Variants in ACAP2 observed in about 807,000 individuals in gnomAD.
ACAP2 encodes the protein arf-GAP with coiled-coil, ANK repeat and PH domain-containing protein 2.
In ACAP2, 39 loss-of-function variants were observed where a neutral mutation model predicts 115.8. That is an observed-to-expected ratio of 0.34 (90% confidence interval 0.26 to 0.44). The LOEUF is 0.44. Ranked by LOEUF, ACAP2 falls within the 20% of genes least tolerant of loss-of-function variation. The pLI is 1.00. For missense variants in ACAP2, 662 were observed against 927.6 expected, an observed-to-expected ratio of 0.71 and a Z score of 3.72; for synonymous variants, 289 against 315.8, an observed-to-expected ratio of 0.92 and a Z score of 0.90.
Position 195,395,472 on chromosome 3 carries a change from G to A in ACAP2, c.54-3325C>T, listed in dbSNP as rs1296884127. 2.0e-5 allele frequency among the ~76,000 whole-genome samples: 3 copies of A among 152,192 alleles called. 1 individual carries two copies. Among genetic ancestry groups the A allele is most frequent in the Non-Finnish European group, 4.4e-5 (3 of 68,022 alleles). On this transcript the variant is annotated intron_variant, in intron 1 of 22. Transcript: ENST00000326793. ...TTACAAAGTCTATAAGCTAAAAATA[G>A]TTCTTACATTTTTAAGTGGCTGAAA...
chr3:195,314,392 CGAG>C (rs1728958805), intron 10 of ACAP2, among the ~76,000 whole-genome samples: 1 of 151,882 alleles, frequency 6.6e-6, no homozygotes, highest in African/African-American at 2.4e-5. Flanking sequence ...CTCAGTTTCC[CGAG>C]GAGCTGGGAT....
intron 22 of ACAP2, chr3:195,285,183 G>C (rs561490098): frequency 6.6e-6 from 1 of 152,192 alleles, no homozygotes; most frequent in Non-Finnish European, 1.5e-5. Flanking sequence ...TTTCAAACTA[G>C]CTCCACTCAC....
At chr3:195,301,786 T>C in intron 14 of ACAP2, 142 bp from the exon 15 acceptor site, 6 of 1,117,076 alleles carry the variant, frequency 5.4e-6, no homozygotes, top group South Asian at 1.5e-5. Context: ...TAATGAATGA[T>C]GAACCAAAGT....
At chr3:195,356,516 G>C (rs1324882230) in intron 4 of ACAP2, among the ~76,000 whole-genome samples, 1 of 152,112 alleles carries the variant, frequency 6.6e-6, no homozygotes. Flanking sequence ...CTAAGGGAGC[G>C]CTTGTGTCAC....
chr3:195,320,878 T>A, intron 9 of ACAP2, 65 bp from the exon 10 acceptor site: 1 of 1,099,268 alleles, frequency 9.1e-7, no homozygotes, highest in Non-Finnish European at 1.4e-6. Flanking sequence ...AAGAAATGGA[T>A]CCTAAGAAAA....
chr3:195,387,211 T>G lies in ACAP2; in HGVS notation c.111+4879A>C, dbSNP rs187307835. ...TAAATGAGATTCTAACTGAATAATA[T>G]AAACCTACAAAGAGGGAAGATTTTT... On this transcript the variant is annotated intron_variant, in intron 2 of 22. Transcript: ENST00000326793. Among the ~76,000 whole-genome samples, 157 of 152,270 alleles carry G rather than the reference T, an allele frequency of 1.0e-3. 2 individuals carry two copies. The highest frequency in any genetic ancestry group is 9.8e-3 in the Admixed American group (150 of 15,298).
intron 2 of ACAP2, among the ~76,000 whole-genome samples, chr3:195,384,218 G>A (rs1042621423): frequency 5.3e-5 from 8 of 152,198 alleles, no homozygotes; most frequent in African/African-American, 1.7e-4. Flanking sequence ...CAAGCTAAGC[G>A]TCTCTCAGTG....
At chr3:195,421,366 C>A (rs968860994) in intron 1 of ACAP2, among the ~76,000 whole-genome samples, 1 of 152,118 alleles carries the variant, frequency 6.6e-6, no homozygotes, top group African/African-American at 2.4e-5. Flanking sequence ...CAAATGAAAA[C>A]ATTCATAATA....
At position 195,425,882 on chromosome 3, in the gene ACAP2, C is replaced by T. The variant is rs77075906; in HGVS notation, c.53+16913G>A. ...TCTCCCAAGTTGTCTCTCACCTGGC[C>T]CAGCCTGATAACTAGTTTCCTACAA... On this transcript the variant is annotated intron_variant, in intron 1 of 22. Coordinates refer to ENST00000326793, the MANE Select transcript of ACAP2 (RefSeq NM_012287.6). 0.015 allele frequency among the ~76,000 whole-genome samples: 2,284 copies of T among 152,172 alleles called. 194 individuals carry two copies. The East Asian group carries it at 0.24, about 16-fold the overall frequency.
At chr3:195,397,388 G>C (rs1197814944) in intron 1 of ACAP2, among the ~76,000 whole-genome samples, 3 of 152,122 alleles carry the variant, frequency 2.0e-5, no homozygotes, top group African/African-American at 4.8e-5. Flanking sequence ...GGTTAAAAAA[G>C]AGTGACGAAA....
chr3:195,421,387 A>C (rs1371914503), intron 1 of ACAP2, among the ~76,000 whole-genome samples: 3 of 152,140 alleles, frequency 2.0e-5, no homozygotes, highest in Non-Finnish European at 4.4e-5. Flanking sequence ...TAGAAGGCAA[A>C]GATCTTGACA....
intron 6 of ACAP2, among the ~76,000 whole-genome samples, chr3:195,341,126 T>A (rs555196879): frequency 6.6e-6 from 1 of 152,152 alleles, no homozygotes; most frequent in South Asian, 2.1e-4. Context: ...AGCATTAAAG[T>A]TTTTTTAGGC....
At chr3:195,426,046 C>A (rs1438432940) in intron 1 of ACAP2, among the ~76,000 whole-genome samples, 2 of 152,198 alleles carry the variant, frequency 1.3e-5, no homozygotes, top group African/African-American at 4.8e-5. Flanking sequence ...ATTGCACTAA[C>A]CATAACATCC....
chr3:195,381,814 A>T (rs1733957277), intron 3 of ACAP2, 89 bp downstream of exon 3: 1 of 1,429,758 alleles, frequency 7.0e-7, no homozygotes, highest in Non-Finnish European at 9.5e-7. Context: ...GTATCACCAT[A>T]ACTATAAATC....
intron 1 of ACAP2, among the ~76,000 whole-genome samples, chr3:195,434,157 G>A (rs1349581284): frequency 6.6e-6 from 1 of 152,060 alleles, no homozygotes; most frequent in Admixed American, 6.6e-5. Flanking sequence ...TCGAACTCCT[G>A]GACGCAAGCA....
At chr3:195,328,167 C>CGTTCA (rs1421078434) in intron 8 of ACAP2, among the ~76,000 whole-genome samples, 8 of 152,090 alleles carry the variant, frequency 5.3e-5, no homozygotes, top group Non-Finnish European at 1.2e-4. Context: ...CAACTCTGAA[C>CGTTCA]CTCCATCACC....
intron 10 of ACAP2, among the ~76,000 whole-genome samples, chr3:195,314,700 C>T (rs1410383955): frequency 6.6e-6 from 1 of 152,156 alleles, no homozygotes; most frequent in Non-Finnish European, 1.5e-5. Flanking sequence ...AATCCATAAA[C>T]AATCCCAAAA....
chr3:195,393,887 G>A (rs201392481), intron 1 of ACAP2, among the ~76,000 whole-genome samples: 3 of 136,506 alleles, frequency 2.2e-5, no homozygotes, highest in Admixed American at 7.8e-5. Context: ...ATTATATTGG[G>A]GGGGGGGGAA....
intron 4 of ACAP2, among the ~76,000 whole-genome samples, chr3:195,351,209 C>T (rs1237189064): frequency 1.3e-5 from 2 of 149,200 alleles, no homozygotes; most frequent in African/African-American, 5.0e-5. Context: ...CCTCCGCCTC[C>T]CAGGTTCAAG....
Sources: allele counts gnomAD v4.1 joint callset (sites outside exome capture counted in the v4.1 genomes callset), GRCh38; gene constraint gnomAD v4.1.1; transcripts MANE v1.5; gene names NCBI Gene and HGNC (gene_info 2026-07-23, HGNC 2026-07-21).